Variants in FSTL5 observed in about 807,000 individuals in gnomAD.
FSTL5 encodes follistatin like 5, also known as follistatin-related protein 5.
In FSTL5, 62 loss-of-function variants were observed where a neutral mutation model predicts 89.1. The ratio of observed to expected loss-of-function variants is 0.70; its 90% CI spans 0.57 to 0.86. The LOEUF is 0.86. FSTL5 is among the 40% of genes least tolerant of loss of function. The probability of loss-of-function intolerance (pLI) is 0.00; values close to 1 mark genes in which losing one functional copy is unlikely to be tolerated. For synonymous variants in FSTL5, 383 were observed against 346.2 expected, an observed-to-expected ratio of 1.11 and a Z score of -1.18; for missense variants, 1,057 against 1,001.6, an observed-to-expected ratio of 1.06 and a Z score of -0.75.
chr4:162,044,046 T>C (rs150806340), intron 2 of FSTL5, among the ~76,000 whole-genome samples: 23 of 152,300 alleles, frequency 1.5e-4, no homozygotes, highest in Admixed American at 6.5e-4. Flanking sequence ...CATTTTGACC[T>C]CCTTCCATGA....
At chr4:162,135,759 G>T (rs1285939665) in intron 1 of FSTL5, among the ~76,000 whole-genome samples, 1 of 151,992 alleles carries the variant, frequency 6.6e-6, no homozygotes, top group African/African-American at 2.4e-5. Flanking sequence ...AGATAAAATG[G>T]CTTTCTAGAT....
chr4:161,662,514 AATGT>A (rs1268783880), intron 6 of FSTL5, among the ~76,000 whole-genome samples: 1 of 152,192 alleles, frequency 6.6e-6, no homozygotes, highest in Non-Finnish European at 1.5e-5. Context: ...TTAATAATTA[AATGT>A]ATGTACTTAA....
At chr4:162,102,419 A>G (rs911993277) in intron 2 of FSTL5, among the ~76,000 whole-genome samples, 48 of 151,358 alleles carry the variant, frequency 3.2e-4, no homozygotes, top group African/African-American at 1.1e-3. Flanking sequence ...AAACGTGTAT[A>G]GTATATTAAA....
intron 7 of FSTL5, among the ~76,000 whole-genome samples, chr4:161,614,820 A>C (rs1734783511): frequency 6.6e-6 from 1 of 152,218 alleles, no homozygotes; most frequent in South Asian, 2.1e-4. Context: ...CTCAAGGATT[A>C]AGTATTCACA....
intron 15 of FSTL5, among the ~76,000 whole-genome samples, chr4:161,416,254 C>G: frequency 6.6e-6 from 1 of 152,106 alleles, no homozygotes; most frequent in Admixed American, 6.6e-5. Context: ...ATTGCCATGG[C>G]TCATCAGAAT....
chr4:162,022,095 A>G lies in FSTL5; in HGVS notation c.160+11530T>C, dbSNP rs532202831. The stretch of plus-strand genomic sequence containing the variant: ...GACAGAGCAAGACTCTGTCTCAGGG[A>G]AAAAAAAAAAAAAAAGTTACTTAAT... On this transcript the variant is annotated intron_variant, in intron 3 of 15. Coordinates refer to ENST00000306100, the MANE Select transcript of FSTL5 (RefSeq NM_020116.5). Among the ~76,000 whole-genome samples, 124 of 140,018 alleles carry G rather than the reference A, an allele frequency of 8.9e-4. 2 individuals are homozygous for G. The South Asian group carries it at 0.019, about 22-fold the overall frequency. 91.9% of individuals were successfully genotyped at this position (140,018 alleles called of 152,430 possible). A position where few individuals can be genotyped will look rare whatever the true frequency, so the allele number is the denominator to read the frequency against.
intron 6 of FSTL5, among the ~76,000 whole-genome samples, chr4:161,661,225 A>G (rs1303584853): frequency 6.6e-6 from 1 of 152,178 alleles, no homozygotes; most frequent in East Asian, 1.9e-4. Context: ...CATAACCAAG[A>G]TTCTGCTTTT....
intron 3 of FSTL5, among the ~76,000 whole-genome samples, chr4:161,972,472 G>A (rs1442008480): frequency 1.3e-5 from 2 of 152,158 alleles, no homozygotes; most frequent in Non-Finnish European, 2.9e-5. Context: ...TGCTTTGCTG[G>A]AGCAAGCTCC....
chr4:161,525,566 C>T (rs772708438), intron 10 of FSTL5, among the ~76,000 whole-genome samples: 1 of 152,040 alleles, frequency 6.6e-6, no homozygotes, highest in Non-Finnish European at 1.5e-5. Context: ...TACAAATACT[C>T]AATTCAAATT....
intron 7 of FSTL5, among the ~76,000 whole-genome samples, chr4:161,637,610 A>G (rs1456869508): frequency 5.4e-4 from 72 of 134,330 alleles, no homozygotes; most frequent in Non-Finnish European, 8.7e-4. Flanking sequence ...TAACGTTTAA[A>G]TCTTTAATCC....
intron 5 of FSTL5, among the ~76,000 whole-genome samples, chr4:161,762,333 A>G (rs369962290): frequency 5.3e-5 from 8 of 152,290 alleles, no homozygotes; most frequent in African/African-American, 1.9e-4. Context: ...AAACTACACA[A>G]GTAGACTTCC....
intron 13 of FSTL5, among the ~76,000 whole-genome samples, chr4:161,471,745 AT>A (rs1322683212): frequency 3.3e-5 from 5 of 151,848 alleles, no homozygotes; most frequent in South Asian, 2.1e-4. Flanking sequence ...AAGTAAATTT[AT>A]TTTTTTCTAT....
At chr4:162,143,269 T>C (rs537056640) in intron 1 of FSTL5, among the ~76,000 whole-genome samples, 3 of 152,242 alleles carry the variant, frequency 2.0e-5, no homozygotes, top group Admixed American at 6.5e-5. Flanking sequence ...TTGTAAAGAT[T>C]ATTGACTTTA....
At chr4:161,666,679 G>C (rs1414676039) in intron 6 of FSTL5, among the ~76,000 whole-genome samples, 1 of 152,028 alleles carries the variant, frequency 6.6e-6, no homozygotes, top group African/African-American at 2.4e-5. Context: ...CCCCTATATG[G>C]GGAGAGAACA....
At chr4:161,930,073 T>G (rs1194284121) in intron 3 of FSTL5, among the ~76,000 whole-genome samples, 1 of 151,760 alleles carries the variant, frequency 6.6e-6, no homozygotes, top group Non-Finnish European at 1.5e-5. Context: ...ATTCCTGAGT[T>G]TTTCTGGCCT....
intron 6 of FSTL5, among the ~76,000 whole-genome samples, chr4:161,663,118 C>T (rs1736772749): frequency 1.3e-5 from 2 of 151,956 alleles, no homozygotes; most frequent in South Asian, 2.1e-4. Context: ...ATGAGAATTC[C>T]GGGAGATAGG....
At chr4:161,812,054 C>T (rs190335844) in intron 4 of FSTL5, among the ~76,000 whole-genome samples, 27 of 152,102 alleles carry the variant, frequency 1.8e-4, no homozygotes, top group Admixed American at 2.6e-4. Context: ...ATATTTTTCT[C>T]CCAGAATCCT....
chr4:161,470,788 C>G (rs1441827073), intron 13 of FSTL5, among the ~76,000 whole-genome samples: 1 of 151,958 alleles, frequency 6.6e-6, no homozygotes, highest in Non-Finnish European at 1.5e-5. Context: ...TTGTAATTTC[C>G]CTTGTATGTC....
intron 13 of FSTL5, among the ~76,000 whole-genome samples, chr4:161,476,292 A>G (rs1204573852): frequency 6.7e-6 from 1 of 149,726 alleles, no homozygotes; most frequent in Non-Finnish European, 1.5e-5. Flanking sequence ...AGTTCAAGCG[A>G]TTCTCCTGCC....
Sources: gnomAD v4.1 joint callset for allele counts (sites outside exome capture counted in the v4.1 genomes callset) on GRCh38, gnomAD v4.1.1 for gene constraint, MANE v1.5 for transcripts, NCBI Gene and HGNC (gene_info 2026-07-23, HGNC 2026-07-21) for gene names.